SH3TC2: variants seen among roughly 807,000 people sequenced by gnomAD.
The protein encoded by SH3TC2 is SH3 domain and tetratricopeptide repeat-containing protein 2.
SH3TC2 carries 87 observed loss-of-function variants against 124.5 expected under a neutral mutation model. The ratio of observed to expected loss-of-function variants is 0.70; its 90% CI spans 0.59 to 0.84. SH3TC2 has a LOEUF of 0.84. Among genes scored for constraint, SH3TC2 ranks in the 40% least tolerant of loss-of-function variants. SH3TC2 has a pLI of 0.00. For synonymous variants in SH3TC2, 634 were observed against 628.5 expected (o/e 1.01, Z -0.13); for missense variants, 1,536 against 1,566.4 (o/e 0.98, Z 0.33).
intron 13 of SH3TC2, among the ~76,000 whole-genome samples, 180 bp from the exon 14 acceptor site, chr5:149,010,572 G>A (rs1409426721): frequency 2.6e-5 from 4 of 152,128 alleles, no homozygotes; most frequent in African/African-American, 9.7e-5. Context: ...CTCCAGTCTG[G>A]CATTTCCCCA....
rs1297899539 is a variant in SH3TC2, at chr5:149,040,811, T to C, written c.732-134A>G. On this transcript the variant is annotated intron_variant, in intron 6 of 16. Coordinates refer to ENST00000515425, the MANE Select transcript of SH3TC2 (RefSeq NM_024577.4). The stretch of plus-strand genomic sequence containing the variant: ...TTATTTAAATGATGGCAAAAGTTTA[T>C]TGAGAACTTACTTTCTACCAGGACC... 3 of 807,702 alleles carry C rather than the reference T, an allele frequency of 3.7e-6. No homozygotes were observed. In the Admixed American group the frequency reaches 6.0e-5, roughly 16 times the overall value. The allele number at this position is 807,702 out of a possible 1,614,324, so 50.0% of individuals were successfully genotyped here. A position where few individuals can be genotyped will look rare whatever the true frequency, so the allele number is the denominator to read the frequency against.
intron 8 of SH3TC2, among the ~76,000 whole-genome samples, chr5:149,034,868 A>C (rs1754256843): frequency 6.6e-6 from 1 of 152,218 alleles, no homozygotes; most frequent in South Asian, 2.1e-4. Context: ...GCAATTTTAT[A>C]GTTAAAGTTA....
Position 148,992,378 on chromosome 5 carries a change from T to C in SH3TC2, c.*12333A>G, listed in dbSNP as rs1215037117. On this transcript the variant is annotated 3_prime_UTR_variant, in exon 17 of 17. Transcript: ENST00000515425. ...CCTGCTTTTCTGGATGTCTCCATTT[T>C]TATCCATAAGCAGTATGTATGTCAG... Among the ~76,000 whole-genome samples, 1 of 152,204 alleles carries C rather than the reference T, an allele frequency of 6.6e-6. No homozygotes were observed. Among genetic ancestry groups the C allele is most frequent in the Non-Finnish European group, 1.5e-5 (1 of 68,026 alleles).
rs372001381 is a variant in SH3TC2 at position 149,054,744 on chromosome 5, G to C, written c.53-2504C>G. On this transcript the variant is annotated intron_variant, in intron 1 of 16. Transcript: ENST00000515425. ...CCAAGTGGTTGCTGTCGCTCTGCAG[G>C]GCATTTGTTCTCCAGCCACCATGGT... 8.5e-5 allele frequency among the ~76,000 whole-genome samples: 13 copies of C among 152,264 alleles called. No homozygotes were observed. In the South Asian group the frequency reaches 1.2e-3, roughly 15 times the overall value.
intron 8 of SH3TC2, among the ~76,000 whole-genome samples, chr5:149,033,858 G>A (rs1266318623): frequency 6.6e-6 from 1 of 152,074 alleles, no homozygotes; most frequent in African/African-American, 2.4e-5. Flanking sequence ...ACTCCCTAAG[G>A]TTCCAGGAGA....
intron 3 of SH3TC2, chr5:149,045,219 CACATA>C (rs753699426): frequency 2.0e-5 from 3 of 152,696 alleles, no homozygotes; most frequent in Non-Finnish European, 4.4e-5. Context: ...ATAACTATTT[CACATA>C]TATAGAATCA....
At chr5:149,021,343 A>T (rs1266504691) in intron 12 of SH3TC2, among the ~76,000 whole-genome samples, 1 of 152,152 alleles carries the variant, frequency 6.6e-6, no homozygotes, top group East Asian at 1.9e-4. Flanking sequence ...AAAAATCTCA[A>T]ATCAATACCT....
chr5:149,011,068 A>C (rs983322298), intron 13 of SH3TC2, among the ~76,000 whole-genome samples: 1 of 152,216 alleles, frequency 6.6e-6, no homozygotes, highest in East Asian at 1.9e-4. Context: ...TGTGCTAAGG[A>C]AGTTGAAGAG....
In SH3TC2 at chr5:149,023,559, A is replaced by T. The variant is rs77441733; in HGVS notation, c.3053+3013T>A. Among the ~76,000 whole-genome samples, 3 of 148,910 alleles carry T rather than the reference A, an allele frequency of 2.0e-5. No homozygotes were observed. The East Asian group carries it at 5.9e-4, about 29-fold the overall frequency. On this transcript the variant is annotated intron_variant, in intron 12 of 16. Transcript: ENST00000515425. ...GGAAGGGGACCTTTATTTTTCACCT[A>T]TAACCTTCAATAATAGTGTAATCCT...
chr5:149,063,042 G>T lies in SH3TC2; in HGVS notation c.-20C>A. The T allele has an allele frequency of 6.3e-7, 1 of 1,591,582 alleles. No homozygotes were observed. Among genetic ancestry groups the T allele is most frequent in the Non-Finnish European group, 8.6e-7 (1 of 1,168,090 alleles). ...ACCCATGTGTGTACCATCCTACCCT[G>T]GCCGAGGCCCTTGGGAACACAGGCC... On this transcript the variant is annotated 5_prime_UTR_variant, in exon 1 of 17. Transcript: ENST00000515425.
chr5:149,038,624 C>T lies in SH3TC2; in HGVS notation c.806-134G>A, dbSNP rs895308376. 11 of 935,724 alleles carry T rather than the reference C, an allele frequency of 1.2e-5. No homozygotes were observed. In the Admixed American group the frequency reaches 1.9e-4, roughly 16 times the overall value. 58.0% of individuals were successfully genotyped at this position (935,724 alleles called of 1,614,324 possible). ...GGACCAGTAACATTTCACTCCCCTC[C>T]CCACCCAAAAATTGGCAGGAATGAC... On this transcript the variant is annotated intron_variant, in intron 7 of 16. Coordinates refer to ENST00000515425, the MANE Select transcript of SH3TC2 (RefSeq NM_024577.4).
chr5:149,042,905 T>C lies in SH3TC2; in HGVS notation c.386-68A>G, dbSNP rs539795338. 1.1e-4 allele frequency: 177 copies of C among 1,593,174 alleles called. No individual in the cohort carries two copies. In the African/African-American group the frequency reaches 2.2e-3, roughly 19 times the overall value. Reference sequence around the variant, plus strand: ...TGACATAGCTGAGCACAGAAGAGAGTGAGAAAATTCCCTCCTGAGCTTGAT... The same window carrying C: ...TGACATAGCTGAGCACAGAAGAGAGCGAGAAAATTCCCTCCTGAGCTTGAT... On this transcript the variant is annotated intron_variant, in intron 4 of 16. Coordinates refer to ENST00000515425, the MANE Select transcript of SH3TC2 (RefSeq NM_024577.4).
intron 1 of SH3TC2, 87 bp downstream of exon 1, chr5:149,062,883 AG>A: frequency 7.8e-7 from 1 of 1,283,754 alleles, no homozygotes; most frequent in Non-Finnish European, 1.1e-6. Context: ...TTGGGAGAAA[AG>A]TTTCTCCAAC....
rs1437440770 is a variant in SH3TC2, at chr5:149,028,201, G to C, written c.1531C>G (p.Leu511Val). 2 of 1,613,926 alleles carry C rather than the reference G, an allele frequency of 1.2e-6. No homozygotes were observed. The highest frequency in any genetic ancestry group is 1.7e-5 in the Admixed American group (1 of 60,008). ...TTGGCCCACTTTCTTGATGCCTCCA[G>C]GTAGGCCACAAACTCATCCTCCTCA... ...FSEEDEFVAY[L>V]EASRKWAKKS... Residue 511 changes from leucine (L) to valine (V), a missense_variant, in exon 11 of 17, where the codon CTG (leucine) becomes GTG (valine). Leu to Val is a conservative substitution (Grantham distance 32, BLOSUM62 1). Coordinates refer to ENST00000515425, the MANE Select transcript of SH3TC2 (RefSeq NM_024577.4).
chr5:149,035,095 G>T (rs1053244574), intron 8 of SH3TC2, among the ~76,000 whole-genome samples: 3 of 152,058 alleles, frequency 2.0e-5, no homozygotes, highest in East Asian at 1.9e-4. Context: ...TATATTACAC[G>T]TAGACACATC....
In SH3TC2 at chr5:148,983,489, C is replaced by G. The variant is rs1753284388; in HGVS notation, c.*21222G>C. ...TGCTGAACCCCCGAACTCAGTTTAT[C>G]CAGGTGGAGGTCCCAAGAAACCAAA... On this transcript the variant is annotated 3_prime_UTR_variant, in exon 17 of 17. Coordinates refer to ENST00000515425, the MANE Select transcript of SH3TC2 (RefSeq NM_024577.4). Among the ~76,000 whole-genome samples, 2 of 152,182 alleles carry G rather than the reference C, an allele frequency of 1.3e-5. No individual in the cohort carries two copies. The highest frequency in any genetic ancestry group is 4.8e-5 in the African/African-American group (2 of 41,442).
chr5:148,994,365 G>A lies in SH3TC2; in HGVS notation c.*10346C>T, dbSNP rs943813851. 6.6e-6 allele frequency among the ~76,000 whole-genome samples: 1 copy of A among 152,188 alleles called. No homozygotes were observed. The highest frequency in any genetic ancestry group is 2.4e-5 in the African/African-American group (1 of 41,450). The stretch of plus-strand genomic sequence containing the variant: ...AAGAGAAGTCAATGATATAATAAGA[G>A]TATAACCTTTAGTACAGTGTTTGAG... On this transcript the variant is annotated 3_prime_UTR_variant, in exon 17 of 17. Transcript: ENST00000515425.
chr5:149,011,373 TG>T (rs1460062429), intron 13 of SH3TC2, among the ~76,000 whole-genome samples: 1 of 152,218 alleles, frequency 6.6e-6, no homozygotes, highest in Non-Finnish European at 1.5e-5. Context: ...CAGTGCCCTC[TG>T]GGCTTCAGTC....
Position 149,008,863 on chromosome 5 carries a change from T to G in SH3TC2, c.3466A>C (p.Ser1156Arg), listed in dbSNP as rs1320597279. ...GAAGACCACCCACCTGTGACTGTGC[T>G]GAGCCTGGCGGCCAGGGTGGCAAAT... is the stretch of plus-strand genomic sequence containing the variant. ...LEFATLAARLSTVTGDQRQEL... is the reference protein window; with the variant it reads ...LEFATLAARLRTVTGDQRQEL... Residue 1156 changes from serine to arginine, a missense_variant, in exon 15 of 17, where the codon AGC (serine) becomes CGC (arginine). Coordinates refer to ENST00000515425, the MANE Select transcript of SH3TC2 (RefSeq NM_024577.4). 6.2e-7 allele frequency: 1 copy of G among 1,614,192 alleles called. No homozygotes were observed. The highest frequency in any genetic ancestry group is 1.7e-4 in the Middle Eastern group (1 of 6,024).
Sources: gnomAD v4.1 joint callset for allele counts (sites outside exome capture counted in the v4.1 genomes callset) on GRCh38, gnomAD v4.1.1 for gene constraint, MANE v1.5 for transcripts, NCBI Gene and HGNC (gene_info 2026-07-23, HGNC 2026-07-21) for gene names.